The following LIM2 variants were observed in gnomAD, a reference collection of about 807,000 sequenced individuals.
LIM2 encodes the protein lens fiber membrane intrinsic protein.
Under a neutral mutation model 19.0 loss-of-function variants are expected in LIM2, and 14 were observed. The observed-to-expected ratio is 0.74, with a 90% CI of 0.49 to 1.15. The LOEUF (loss-of-function observed/expected upper bound fraction) is 1.15. Among genes scored for constraint, LIM2 ranks in the 50% most tolerant of loss-of-function variants. LIM2 has a pLI of 0.00. For missense variants in LIM2, 230 were observed against 243.5 expected, an observed-to-expected ratio of 0.94 and a Z score of 0.37; for synonymous variants, 78 against 89.6, an observed-to-expected ratio of 0.87 and a Z score of 0.73.
intron 3 of LIM2, among the ~76,000 whole-genome samples, chr19:51,381,277 C>G (rs549769680): frequency 6.6e-6 from 1 of 151,858 alleles, no homozygotes; most frequent in Admixed American, 6.6e-5. Context: ...GAGCTGAGAT[C>G]GAGCCACTAC....
chr19:51,387,052 T>C, intron 2 of LIM2: 2 of 847,998 alleles, frequency 2.4e-6, no homozygotes, highest in South Asian at 1.4e-5. Context: ...ATGCCACCTC[T>C]CCCAACTTAA....
Position 51,387,403 on chromosome 19 carries a change from A to T in LIM2, c.41T>A (p.Val14Glu). The T allele has an allele frequency of 6.2e-7, 1 of 1,614,152 alleles. No individual in the cohort carries two copies. Reference protein sequence around the residue: ...FMGGGLFCAWVGTILLVVAMA... With the variant: ...FMGGGLFCAWEGTILLVVAMA... ...GGCCACCACCAGGAGGATGGTCCCC[A>T]CCCAGGCACAGAACAGGCCACCACC... The change falls in exon 2 of 5, where the codon GTG (valine) becomes GAG (glutamate). Residue 14 changes from valine to glutamate, a missense_variant. Transcript: ENST00000596399.
At position 51,379,921 on chromosome 19, in the gene LIM2, A is replaced by G; in HGVS notation, c.*280T>C. 1 of 560,554 alleles carries G rather than the reference A, an allele frequency of 1.8e-6. No individual in the cohort carries two copies. Among genetic ancestry groups the G allele is most frequent in the Non-Finnish European group, 3.2e-6 (1 of 312,814 alleles). The allele number at this position is 560,554 out of a possible 1,614,324, so 34.7% of individuals were successfully genotyped here. The stretch of plus-strand genomic sequence containing the variant: ...ATTAACACTTTAGTAGTTTCACATC[A>G]GTTTTATTAGGCCCCAGAAAGTTGC... On this transcript the variant is annotated 3_prime_UTR_variant, in exon 5 of 5. Transcript: ENST00000596399.
Position 51,380,492 on chromosome 19 carries a change from T to A in LIM2, c.460+13A>T. ...CCCCAGGCACTGACCTTCCCACCCC[T>A]TGCCCCCAGTACCTGCGAAGAACGT... is the stretch of plus-strand genomic sequence containing the variant. On this transcript the variant is annotated intron_variant, in intron 4 of 4. Transcript: ENST00000596399. The A allele has an allele frequency of 6.2e-7, 1 of 1,614,014 alleles. No individual in the cohort carries two copies. The highest frequency in any genetic ancestry group is 8.5e-7 in the Non-Finnish European group (1 of 1,179,998).
At chr19:51,381,711 TTTG>T (rs1986896468) in intron 3 of LIM2, among the ~76,000 whole-genome samples, 1 of 152,060 alleles carries the variant, frequency 6.6e-6, no homozygotes, top group Admixed American at 6.6e-5. Context: ...TCCAGCAATT[TTTG>T]TTGTTGTTAT....
At chr19:51,382,914 G>C (rs558960324) in intron 2 of LIM2, among the ~76,000 whole-genome samples, 2 of 151,420 alleles carry the variant, frequency 1.3e-5, no homozygotes, top group Admixed American at 1.3e-4. Flanking sequence ...CACACATTTG[G>C]TTTGCATTCT....
At chr19:51,387,204 T>G in intron 2 of LIM2, 65 bp downstream of exon 2, 1 of 1,614,228 alleles carries the variant, frequency 6.2e-7, no homozygotes, top group Non-Finnish European at 8.5e-7. Flanking sequence ...ACAGGTGTCC[T>G]TGGGCCCCGA....
chr19:51,386,608 G>A (rs980642447), intron 2 of LIM2, among the ~76,000 whole-genome samples: 1 of 148,000 alleles, frequency 6.8e-6, no homozygotes, highest in African/African-American at 2.5e-5. Flanking sequence ...TATATTACAT[G>A]TGCATTACTT....
Position 51,380,653 on chromosome 19 carries a change from G to T in LIM2, c.326-14C>A, listed in dbSNP as rs558985609. On this transcript the variant is annotated splice_polypyrimidine_tract_variant and intron_variant, in intron 3 of 4. Coordinates refer to ENST00000596399, the MANE Select transcript of LIM2 (RefSeq NM_001161748.2). ...CGACGAAAAGGGCTGGGGAGAGAGGGCGGGAGGATGCAGGTGGGACTAAGG... is the reference window on the plus strand; with the variant it reads ...CGACGAAAAGGGCTGGGGAGAGAGGTCGGGAGGATGCAGGTGGGACTAAGG... 3.7e-6 allele frequency: 6 copies of T among 1,614,000 alleles called. No homozygotes were observed. The highest frequency in any genetic ancestry group is 4.2e-6 in the Non-Finnish European group (5 of 1,179,972).
At chr19:51,380,915 T>C (rs1986879089) in intron 3 of LIM2, among the ~76,000 whole-genome samples, 1 of 152,076 alleles carries the variant, frequency 6.6e-6, no homozygotes, top group African/African-American at 2.4e-5. Flanking sequence ...ATTTGGAACT[T>C]CCTGAGTAAT....
chr19:51,382,293 A>G (rs1986914524), intron 3 of LIM2, 125 bp downstream of exon 3: 1 of 1,073,572 alleles, frequency 9.3e-7, no homozygotes, highest in African/African-American at 1.7e-5. Context: ...TGGGGATGGG[A>G]TTAGGGTGGG....
At position 51,380,631 on chromosome 19, in the gene LIM2, C is replaced by T. The variant is rs142030761; in HGVS notation, c.334G>A (p.Val112Ile). ...GIMFFSSTLFVVLALAIYTGV... is the reference protein window; with the variant it reads ...GIMFFSSTLFIVLALAIYTGV... ...GTGTAGATGGCCAAGGCCAACACGA[C>T]GAAAAGGGCTGGGGAGAGAGGGCGG... Residue 112 changes from valine to isoleucine, a missense_variant, in exon 4 of 5, where the codon GTC becomes ATC. Coordinates refer to ENST00000596399, the MANE Select transcript of LIM2 (RefSeq NM_001161748.2). The T allele has an allele frequency of 2.7e-4, 430 of 1,613,712 alleles. No homozygotes were observed. Among genetic ancestry groups the T allele is most frequent in the Middle Eastern group, 2.1e-3 (13 of 6,082 alleles).
At chr19:51,383,785 G>T (rs1666039213) in intron 2 of LIM2, among the ~76,000 whole-genome samples, 1 of 152,154 alleles carries the variant, frequency 6.6e-6, no homozygotes, top group South Asian at 2.1e-4. Context: ...TTAGAAACAG[G>T]GCTGGAGTCA....
chr19:51,383,290 C>T (rs926721341), intron 2 of LIM2, among the ~76,000 whole-genome samples: 5 of 152,134 alleles, frequency 3.3e-5, no homozygotes, highest in African/African-American at 7.2e-5. Context: ...CTGCCTTGGC[C>T]TCCCAAAGTG....
In LIM2 at chr19:51,384,850, G is replaced by C. The variant is rs142090799; in HGVS notation, c.176-2283C>G. On this transcript the variant is annotated intron_variant, in intron 2 of 4. Transcript: ENST00000596399. ...CTTGAGGCCAGGAGGGTTTCTTTTTGATTATTTATTTTATCTTATTATTAT... is the reference window on the plus strand; with the variant it reads ...CTTGAGGCCAGGAGGGTTTCTTTTTCATTATTTATTTTATCTTATTATTAT... 8.1e-4 allele frequency among the ~76,000 whole-genome samples: 123 copies of C among 151,690 alleles called. 6 individuals are homozygous for C. The East Asian group carries it at 0.016, about 19-fold the overall frequency.
intron 2 of LIM2, 42 bp from the exon 3 acceptor site, chr19:51,382,609 CT>C: frequency 6.2e-7 from 1 of 1,611,896 alleles, no homozygotes; most frequent in Non-Finnish European, 8.5e-7. Flanking sequence ...CTCCCCTGCT[CT>C]AAGTGAGAGA....
chr19:51,387,916 T>G lies in LIM2; in HGVS notation c.-7+3A>C. On this transcript the variant is annotated splice_donor_region_variant and intron_variant, in intron 1 of 4. Coordinates refer to ENST00000596399, the MANE Select transcript of LIM2 (RefSeq NM_001161748.2). ...GGCTACAGGTCTCACGCCTGGTGCC[T>G]ACCTGAGTGGCAGAGCCTGCCCGAG... is the stretch of plus-strand genomic sequence containing the variant. The G allele has an allele frequency of 5.0e-6, 1 of 199,974 alleles. No homozygotes were observed. The highest frequency in any genetic ancestry group is 5.3e-5 in the Admixed American group (1 of 18,882). The allele number at this position is 199,974 out of a possible 1,614,324, so 12.4% of individuals were successfully genotyped here.
At chr19:51,386,922 A>G (rs1305328429) in intron 2 of LIM2, among the ~76,000 whole-genome samples, 3 of 152,326 alleles carry the variant, frequency 2.0e-5, no homozygotes, top group Admixed American at 6.5e-5. Flanking sequence ...TGCAGTATTT[A>G]GCAAATTCAG....
chr19:51,382,424 A>G lies in LIM2; in HGVS notation c.319T>C (p.Ser107Pro), dbSNP rs1199331784. 7 of 1,613,644 alleles carry G rather than the reference A, an allele frequency of 4.3e-6. No individual in the cohort carries two copies. The highest frequency in any genetic ancestry group is 5.9e-6 in the Non-Finnish European group (7 of 1,179,936). The part of the protein sequence containing the change: ...RPFSAGIMFF[S>P]STLFVVLALA... ...AGAGGGTGGGCTTACTCACTTGAGG[A>G]AAAAAACATGATGCCAGCAGAGAAG... is the stretch of plus-strand genomic sequence containing the variant. Residue 107 changes from serine to proline, a missense_variant, in exon 3 of 5, where the codon TCC becomes CCC. Transcript: ENST00000596399.
Sources: allele counts gnomAD v4.1 joint callset (sites outside exome capture counted in the v4.1 genomes callset), GRCh38; gene constraint gnomAD v4.1.1; transcripts MANE v1.5; gene names NCBI Gene and HGNC (gene_info 2026-07-23, HGNC 2026-07-21).